The following RBFOX1 variants were observed in gnomAD, a reference collection of about 807,000 sequenced individuals.
The protein encoded by RBFOX1 is RNA binding protein fox-1 homolog 1.
Under a neutral mutation model 57.7 loss-of-function variants are expected in RBFOX1, and 8 were observed. The ratio of observed to expected loss-of-function variants is 0.14; its 90% CI spans 0.08 to 0.25. The LOEUF is 0.25. Ranked by LOEUF, RBFOX1 falls within the 10% of genes least tolerant of loss-of-function variation. The pLI is 1.00. For synonymous variants in RBFOX1, 326 were observed against 222.4 expected, an observed-to-expected ratio of 1.47 and a Z score of -4.15; for missense variants, 611 against 548.5, an observed-to-expected ratio of 1.11 and a Z score of -1.14.
At chr16:7,432,950 A>G (rs1466159325) in intron 4 of RBFOX1, among the ~76,000 whole-genome samples, 1 of 152,200 alleles carries the variant, frequency 6.6e-6, no homozygotes, top group Non-Finnish European at 1.5e-5. Flanking sequence ...GCATTTTCGA[A>G]CTGTGTAGAA....
intron 4 of RBFOX1, among the ~76,000 whole-genome samples, chr16:5,990,885 A>T (rs2060381038): frequency 6.6e-6 from 1 of 151,992 alleles, no homozygotes; most frequent in Non-Finnish European, 1.5e-5. Flanking sequence ...GAGGCAGGAG[A>T]CTCGCTTGAA....
intron 1 of RBFOX1, among the ~76,000 whole-genome samples, chr16:6,127,148 T>C (rs1371756632): frequency 6.6e-6 from 1 of 152,050 alleles, no homozygotes; most frequent in African/African-American, 2.4e-5. Flanking sequence ...TTGGAGAAAC[T>C]GGAAGGATGT....
At chr16:7,565,041 G>A (rs7500249) in intron 5 of RBFOX1, among the ~76,000 whole-genome samples, 138,623 of 152,178 alleles carry the variant, frequency 0.91, 63,607 homozygotes, top group Non-Finnish European at 0.97. Flanking sequence ...GTTTGCCGAC[G>A]GAGCTCAAAT....
chr16:6,950,327 C>G (rs2080455062), intron 3 of RBFOX1, among the ~76,000 whole-genome samples: 1 of 151,982 alleles, frequency 6.6e-6, no homozygotes, highest in Non-Finnish European at 1.5e-5. Context: ...ACACCCATTG[C>G]TTTATCCCAT....
chr16:5,440,592 A>G (rs1226739453), intron 1 of RBFOX1, among the ~76,000 whole-genome samples: 2 of 152,138 alleles, frequency 1.3e-5, no homozygotes, highest in African/African-American at 4.8e-5. Flanking sequence ...TAAACAGTCA[A>G]TATTTTATCC....
intron 3 of RBFOX1, chr16:6,722,042 T>C (rs1260008909): frequency 6.6e-6 from 1 of 152,300 alleles, no homozygotes; most frequent in East Asian, 1.9e-4. Flanking sequence ...TTTCCTCCTA[T>C]GTATCTACTG....
intron 11 of RBFOX1, among the ~76,000 whole-genome samples, chr16:7,630,954 T>C (rs2060849422): frequency 6.6e-6 from 1 of 152,204 alleles, no homozygotes; most frequent in South Asian, 2.1e-4. Flanking sequence ...TGGGAAGCTT[T>C]AGCTCATTGC....
At chr16:5,638,292 C>T (rs2048752269) in intron 3 of RBFOX1, among the ~76,000 whole-genome samples, 1 of 152,156 alleles carries the variant, frequency 6.6e-6, no homozygotes, top group African/African-American at 2.4e-5. Context: ...CCCACACATT[C>T]TGGTTGTACC....
chr16:5,377,710 C>T (rs2066023048), intron 1 of RBFOX1, among the ~76,000 whole-genome samples: 1 of 151,348 alleles, frequency 6.6e-6, no homozygotes, highest in African/African-American at 2.5e-5. Context: ...AGGCGTGCAG[C>T]CCAGGAGAGG....
At chr16:6,140,116 C>T (rs1037680876) in intron 1 of RBFOX1, among the ~76,000 whole-genome samples, 2 of 152,096 alleles carry the variant, frequency 1.3e-5, no homozygotes, top group Admixed American at 6.6e-5. Context: ...AGTCTTCTTA[C>T]ACCATCTTTG....
intron 3 of RBFOX1, among the ~76,000 whole-genome samples, chr16:6,712,748 G>A (rs2063945929): frequency 6.6e-6 from 1 of 151,964 alleles, no homozygotes; most frequent in African/African-American, 2.4e-5. Flanking sequence ...CTGGCAGCTG[G>A]ACTATAAAAT....
At chr16:5,636,382 A>G (rs903088150) in intron 3 of RBFOX1, among the ~76,000 whole-genome samples, 1 of 152,190 alleles carries the variant, frequency 6.6e-6, no homozygotes, top group Non-Finnish European at 1.5e-5. Flanking sequence ...TAAAAAACCT[A>G]TTTAATAACC....
chr16:6,814,156 A>C (rs2089486517), intron 3 of RBFOX1, among the ~76,000 whole-genome samples: 1 of 151,828 alleles, frequency 6.6e-6, no homozygotes, highest in African/African-American at 2.4e-5. Context: ...CAACACACCA[A>C]ACAAGCCAAT....
At chr16:7,378,252 CT>C (rs1360403201) in intron 4 of RBFOX1, among the ~76,000 whole-genome samples, 2 of 152,278 alleles carry the variant, frequency 1.3e-5, no homozygotes, top group Admixed American at 6.5e-5. Flanking sequence ...GATCTCGAGC[CT>C]TTTCCTCCTG....
intron 2 of RBFOX1, among the ~76,000 whole-genome samples, chr16:6,531,842 G>T (rs913951626): frequency 6.6e-6 from 1 of 152,212 alleles, no homozygotes; most frequent in East Asian, 1.9e-4. Context: ...TACAGGGACA[G>T]TCTCAACTTT....
chr16:7,705,178 G>C (rs567615309), intron 14 of RBFOX1, among the ~76,000 whole-genome samples: 14 of 152,196 alleles, frequency 9.2e-5, no homozygotes, highest in African/African-American at 3.1e-4. Flanking sequence ...AGACTAAGCA[G>C]AGAATGGATT....
chr16:6,204,164 C>T (rs1359748859), intron 1 of RBFOX1, among the ~76,000 whole-genome samples: 1 of 152,154 alleles, frequency 6.6e-6, no homozygotes, highest in Non-Finnish European at 1.5e-5. Context: ...ACTTTGGAAT[C>T]TTCCCTTTTC....
At chr16:6,417,110 C>A (rs1411379435) in intron 2 of RBFOX1, among the ~76,000 whole-genome samples, 1 of 152,148 alleles carries the variant, frequency 6.6e-6, no homozygotes, top group East Asian at 1.9e-4. Context: ...CTCCCGGGTT[C>A]AAGCGATTCT....
At chr16:6,406,505 C>A (rs980502930) in intron 2 of RBFOX1, among the ~76,000 whole-genome samples, 1 of 151,898 alleles carries the variant, frequency 6.6e-6, no homozygotes, top group African/African-American at 2.4e-5. Context: ...ATATATAATA[C>A]CTTTAGGGTT....
Sources: gnomAD v4.1 joint callset for allele counts (sites outside exome capture counted in the v4.1 genomes callset) on GRCh38, gnomAD v4.1.1 for gene constraint, MANE v1.5 for transcripts, NCBI Gene and HGNC (gene_info 2026-07-23, HGNC 2026-07-21) for gene names.